TCF20: variants seen among roughly 807,000 people sequenced by gnomAD.
TCF20 encodes transcription factor 20.
In TCF20, 3 loss-of-function variants were observed where a neutral mutation model predicts 148.6. The observed-to-expected ratio is 0.02, with a 90% CI of 0.01 to 0.05. TCF20 has a LOEUF of 0.05. Among genes scored for constraint, TCF20 ranks in the 10% least tolerant of loss-of-function variants. TCF20 has a pLI of 1.00. For missense variants in TCF20, 2,350 were observed against 2,429.3 expected, an observed-to-expected ratio of 0.97 and a Z score of 0.69; for synonymous variants, 1,049 against 909.5, an observed-to-expected ratio of 1.15 and a Z score of -2.76.
chr22:42,243,595 C>A (rs959309369), intron 1 of TCF20, among the ~76,000 whole-genome samples: 1 of 151,922 alleles, frequency 6.6e-6, no homozygotes, highest in African/African-American at 2.4e-5. Context: ...GAGCAAGACT[C>A]CCTCTCAAAA....
chr22:42,300,289 T>C (rs1196963445), intron 1 of TCF20, among the ~76,000 whole-genome samples: 1 of 152,098 alleles, frequency 6.6e-6, no homozygotes, highest in East Asian at 1.9e-4. Context: ...CAGCTACTCC[T>C]GCCGGTGAGA....
intron 1 of TCF20, among the ~76,000 whole-genome samples, chr22:42,250,958 G>T (rs1023857516): frequency 2.0e-5 from 3 of 152,122 alleles, no homozygotes; most frequent in African/African-American, 7.2e-5. Context: ...GCCAGATCTC[G>T]CGAGAAGTCG....
chr22:42,203,847 T>G (rs1255776675), intron 2 of TCF20, among the ~76,000 whole-genome samples: 1 of 150,582 alleles, frequency 6.6e-6, no homozygotes, highest in Non-Finnish European at 1.5e-5. Context: ...CAGGTAGGGG[T>G]GGGGGTGAGG....
At chr22:42,285,843 C>T (rs561599582), upstream of TCF20, among the ~76,000 whole-genome samples, 5 of 152,184 alleles carry the variant, frequency 3.3e-5, 1 homozygote, top group South Asian at 1.0e-3. The surrounding 1 kb of genome is among the most constrained non-coding windows in gnomAD (Gnocchi z 4.2). Flanking sequence ...CCCCCTACTC[C>T]CACCACTTCC....
rs964905247 is a variant in TCF20, at chr22:42,210,168, C to A, written c.5138G>T (p.Ser1713Ile). 6.2e-7 allele frequency: 1 copy of A among 1,614,204 alleles called. No homozygotes were observed. The highest frequency in any genetic ancestry group is 1.3e-5 in the African/African-American group (1 of 75,040). ...AAAGAGGTCACCCATGTTCCGGTAA[C>A]TGGCCCACTTGCCACACAGACAGCA... ...LVCCLCGKWA[S>I]YRNMGDLFGP... Residue 1713 changes from serine to isoleucine, a missense_variant, in exon 2 of 6, where the codon AGT becomes ATT. Coordinates refer to ENST00000677622, the MANE Select transcript of TCF20 (RefSeq NM_001378418.1). This position sits in a 1 kb window ranked among gnomAD's most constrained non-coding sequence, Gnocchi z 4.7.
At chr22:42,163,537 T>C (rs906158185) in intron 5 of TCF20, among the ~76,000 whole-genome samples, 9 of 152,238 alleles carry the variant, frequency 5.9e-5, no homozygotes, top group South Asian at 2.1e-4. Context: ...ACAGATATTA[T>C]ATCACAGTAA....
intron 1 of TCF20, among the ~76,000 whole-genome samples, chr22:42,261,298 G>T (rs1926016770): frequency 6.6e-6 from 1 of 152,166 alleles, no homozygotes; most frequent in East Asian, 1.9e-4. Context: ...ATATTCTTAT[G>T]TAAGTCTTAT....
At chr22:42,202,505 C>G (rs886507410) in intron 2 of TCF20, among the ~76,000 whole-genome samples, 2 of 152,192 alleles carry the variant, frequency 1.3e-5, no homozygotes, top group African/African-American at 4.8e-5. Context: ...CAGTGTGACT[C>G]TGGGGCTCTC....
chr22:42,306,399 G>A (rs1457846307), intron 1 of TCF20, among the ~76,000 whole-genome samples: 1 of 152,212 alleles, frequency 6.6e-6, no homozygotes, highest in Non-Finnish European at 1.5e-5. Context: ...AATGTGGGTG[G>A]GGGGTGCTGC....
chr22:42,242,702 C>T (rs974108020), intron 1 of TCF20, among the ~76,000 whole-genome samples: 3 of 152,078 alleles, frequency 2.0e-5, no homozygotes, highest in Non-Finnish European at 2.9e-5. Context: ...GCCTGGCCAA[C>T]ATGGTGAAAC....
intron 1 of TCF20, among the ~76,000 whole-genome samples, chr22:42,229,920 G>T (rs1184936806): frequency 2.6e-5 from 4 of 152,146 alleles, no homozygotes; most frequent in African/African-American, 7.2e-5. Context: ...TTGAAGGCAT[G>T]TAACAAACAT....
chr22:42,274,321 A>C (rs957311221), upstream of TCF20: 3 of 152,438 alleles, frequency 2.0e-5, no homozygotes, highest in Non-Finnish European at 2.9e-5. Context: ...AGGGGTGGAG[A>C]GCCTCTGTGG....
intron 1 of TCF20, among the ~76,000 whole-genome samples, chr22:42,309,841 G>C (rs1279993381): frequency 6.6e-6 from 1 of 152,236 alleles, no homozygotes; most frequent in African/African-American, 2.4e-5. Flanking sequence ...CAGTGTTGTG[G>C]TGAGGATGAA....
chr22:42,295,731 C>T (rs1453248111), intron 1 of TCF20, among the ~76,000 whole-genome samples: 3 of 152,304 alleles, frequency 2.0e-5, no homozygotes, highest in South Asian at 2.1e-4. Context: ...TGAGCCACCG[C>T]GCCCGGCCTA....
intron 1 of TCF20, among the ~76,000 whole-genome samples, chr22:42,331,850 A>C (rs562971648): frequency 6.6e-5 from 10 of 152,382 alleles, no homozygotes; most frequent in African/African-American, 2.2e-4. Flanking sequence ...TCATTTGACA[A>C]CTGGGGAAAA....
At chr22:42,307,006 T>C (rs1601701053) in intron 1 of TCF20, among the ~76,000 whole-genome samples, 1 of 127,728 alleles carries the variant, frequency 7.8e-6, no homozygotes, top group East Asian at 2.3e-4. Flanking sequence ...GCCACTGCAC[T>C]CCACCCTGGG....
Position 42,211,754 on chromosome 22 carries a change from T to C in TCF20, c.3552A>G (p.Leu1184=). 1 of 1,614,232 alleles carries C rather than the reference T, an allele frequency of 6.2e-7. No individual in the cohort carries two copies. Among genetic ancestry groups the C allele is most frequent in the Non-Finnish European group, 8.5e-7 (1 of 1,180,042 alleles). ...GMELKHGSQK[L]QESCWDLSRQ... is the part of the protein sequence containing the mutation. Reference sequence around the variant, plus strand: ...GAGAAAGATCCCAACAGGATTCTTGTAACTTCTGGGAGCCATGCTTTAATT... The same window carrying C: ...GAGAAAGATCCCAACAGGATTCTTGCAACTTCTGGGAGCCATGCTTTAATT... Residue 1184 remains leucine (L), a synonymous_variant, in exon 2 of 6, where the codon TTA becomes TTG. Coordinates refer to ENST00000677622, the MANE Select transcript of TCF20 (RefSeq NM_001378418.1).
chr22:42,193,246 C>G (rs1937427634), intron 2 of TCF20, among the ~76,000 whole-genome samples: 1 of 150,944 alleles, frequency 6.6e-6, no homozygotes, highest in South Asian at 2.1e-4. Context: ...GTTTAGAAAT[C>G]CTGCATAATT....
chr22:42,342,732 C>T (rs778673285), intron 1 of TCF20, among the ~76,000 whole-genome samples: 22 of 152,162 alleles, frequency 1.4e-4, no homozygotes, highest in East Asian at 3.9e-4. Context: ...ATTGGTGCTC[C>T]CAGAATCCCA....
Sources: gnomAD v4.1 joint callset for allele counts (sites outside exome capture counted in the v4.1 genomes callset) on GRCh38, gnomAD v4.1.1 for gene constraint, Gnocchi (gnomAD v3.1) non-coding constraint, MANE v1.5 for transcripts, NCBI Gene and HGNC (gene_info 2026-07-23, HGNC 2026-07-21) for gene names.